Variants in ATXN10 observed in about 807,000 individuals in gnomAD.
ATXN10 encodes the protein ataxin-10.
Under a neutral mutation model 52.9 loss-of-function variants are expected in ATXN10, and 28 were observed. That is an observed-to-expected ratio of 0.53 (90% CI 0.39 to 0.73). The LOEUF (loss-of-function observed/expected upper bound fraction) is 0.73. ATXN10 is among the 30% of genes least tolerant of loss of function. The probability of loss-of-function intolerance (pLI) is 0.00; values close to 1 mark genes in which losing one functional copy is unlikely to be tolerated. For missense variants in ATXN10, 565 were observed against 577.0 expected (o/e 0.98, Z 0.21); for synonymous variants, 226 against 221.5 (o/e 1.02, Z -0.18).
chr22:45,751,763 A>AAAAAATAATAATAATAATAAT lies in ATXN10; in HGVS notation c.1173+11227_1173+11228insAAATAATAATAATAATAATAA. Among the ~76,000 whole-genome samples the AAAAAATAATAATAATAATAAT allele has an allele frequency of 1.5e-4, 10 of 66,610 alleles. No individual in the cohort carries two copies. The South Asian group carries it at 2.3e-3, about 15-fold the overall frequency. The allele number at this position is 66,610 out of a possible 152,430, so 43.7% of individuals were successfully genotyped here. ...TGGAAAAAAAAAAAAAATAAAAAAAAAATAATAATAATAATAATAATAATA... is the reference window on the plus strand; with the variant it reads ...TGGAAAAAAAAAAAAAATAAAAAAAAAAAAATAATAATAATAATAATAATAATAATAATAATAATAATAATA... On this transcript the variant is annotated intron_variant, in intron 9 of 11. Transcript: ENST00000252934.
At chr22:45,721,900 G>T (rs1035289575) in intron 6 of ATXN10, among the ~76,000 whole-genome samples, 1 of 151,998 alleles carries the variant, frequency 6.6e-6, no homozygotes, top group Admixed American at 6.5e-5. Context: ...GGGCAACAGA[G>T]CGAGACTCTG....
In ATXN10 at chr22:45,740,679, TACAC is replaced by T. The variant is rs74268525; in HGVS notation, c.1173+179_1173+182del. ...TAGAGAGATATATATTTTATATGAA[TACAC>T]ACACACACACACACACACACACACA... On this transcript the variant is annotated intron_variant, in intron 9 of 11. Coordinates refer to ENST00000252934, the MANE Select transcript of ATXN10 (RefSeq NM_013236.4). The T allele has an allele frequency of 0.14, 53,273 of 390,116 alleles. 2,611 individuals carry two copies. The highest frequency in any genetic ancestry group is 0.15 in the African/African-American group (6,621 of 44,166). 24.2% of individuals were successfully genotyped at this position (390,116 alleles called of 1,614,324 possible).
intron 10 of ATXN10, among the ~76,000 whole-genome samples, chr22:45,814,789 G>A (rs892931933): frequency 1.3e-5 from 2 of 152,210 alleles, no homozygotes; most frequent in Non-Finnish European, 2.9e-5. Context: ...CACCACCTGA[G>A]CTCCGTCTCC....
At chr22:45,812,042 C>G (rs1306987349) in intron 10 of ATXN10, among the ~76,000 whole-genome samples, 1 of 152,134 alleles carries the variant, frequency 6.6e-6, no homozygotes, top group Admixed American at 6.6e-5. Context: ...TTTTTGTTTC[C>G]GAGAAGGATC....
Position 45,728,087 on chromosome 22 carries a change from T to G in ATXN10, c.729-1338T>G, listed in dbSNP as rs1374703400. On this transcript the variant is annotated intron_variant, in intron 6 of 11. Coordinates refer to ENST00000252934, the MANE Select transcript of ATXN10 (RefSeq NM_013236.4). This position sits in a 1 kb window ranked among gnomAD's most constrained non-coding sequence, Gnocchi z 4.3. The stretch of plus-strand genomic sequence containing the variant: ...AAGTGGAGCATTTAGATGATTTATA[T>G]TCAATGTTAATACTGAGATGTGAGG... Among the ~76,000 whole-genome samples the G allele has an allele frequency of 6.6e-6, 1 of 152,098 alleles. No homozygotes were observed. The highest frequency in any genetic ancestry group is 1.9e-4 in the East Asian group (1 of 5,198).
chr22:45,791,706 G>A (rs534623208), intron 9 of ATXN10, among the ~76,000 whole-genome samples: 9 of 152,146 alleles, frequency 5.9e-5, no homozygotes, highest in Admixed American at 2.6e-4. Context: ...TAGGGGAAGG[G>A]GATCTATTTT....
Position 45,708,639 on chromosome 22 carries a change from G to A in ATXN10, c.647+5792G>A, listed in dbSNP as rs1924128689. Among the ~76,000 whole-genome samples the A allele has an allele frequency of 6.6e-6, 1 of 152,194 alleles. No homozygotes were observed. The highest frequency in any genetic ancestry group is 2.1e-4 in the South Asian group (1 of 4,808). The stretch of plus-strand genomic sequence containing the variant: ...CTCTTTTCAGTTTTAGCCTCTTTTG[G>A]TGTAAACTTTTTCTTTTTGAGACAG... On this transcript the variant is annotated intron_variant, in intron 5 of 11. Coordinates refer to ENST00000252934, the MANE Select transcript of ATXN10 (RefSeq NM_013236.4). This position sits in a 1 kb window ranked among gnomAD's most constrained non-coding sequence, Gnocchi z 5.3.
chr22:45,799,710 A>G (rs1927870209), intron 9 of ATXN10, among the ~76,000 whole-genome samples: 2 of 152,204 alleles, frequency 1.3e-5, no homozygotes, highest in South Asian at 2.1e-4. Context: ...CTTTTATACC[A>G]TTTGGTTTGT....
intron 10 of ATXN10, among the ~76,000 whole-genome samples, chr22:45,822,679 C>T (rs1046922974): frequency 6.6e-6 from 1 of 151,820 alleles, no homozygotes; most frequent in African/African-American, 2.4e-5. Context: ...TACAGGTGCC[C>T]GCCACCACAC....
At position 45,684,511 on chromosome 22, in the gene ATXN10, C is replaced by A. The variant is rs1490789727; in HGVS notation, c.117-5201C>A. ...GGGGAGATGATAAAGTTTCATGACA[C>A]ATGAAAATTATATGAATTTAAATTT... On this transcript the variant is annotated intron_variant, in intron 1 of 11. Transcript: ENST00000252934. This position sits in a 1 kb window ranked among gnomAD's most constrained non-coding sequence, Gnocchi z 4.1. Among the ~76,000 whole-genome samples the A allele has an allele frequency of 6.6e-6, 1 of 152,092 alleles. No individual in the cohort carries two copies. Among genetic ancestry groups the A allele is most frequent in the South Asian group, 2.1e-4 (1 of 4,814 alleles).
At position 45,813,333 on chromosome 22, in the gene ATXN10, G is replaced by GTT. The variant is rs1178229669; in HGVS notation, c.1237+6322_1237+6323dup. Among the ~76,000 whole-genome samples the GTT allele has an allele frequency of 1.5e-4, 21 of 135,624 alleles. No individual in the cohort carries two copies. In the South Asian group the frequency reaches 2.1e-3, roughly 14 times the overall value. The allele number at this position is 135,624 out of a possible 152,430, so 89.0% of individuals were successfully genotyped here. A position where few individuals can be genotyped will look rare whatever the true frequency, so the allele number is the denominator to read the frequency against. ...GATCGGTTGTCCTTGATGTGGGTTT[G>GTT]TTTTTTTTTTTTCATATTGTTTTTA... is the stretch of plus-strand genomic sequence containing the variant. On this transcript the variant is annotated intron_variant, in intron 10 of 11. Coordinates refer to ENST00000252934, the MANE Select transcript of ATXN10 (RefSeq NM_013236.4).
rs143111603 is a variant in ATXN10, at chr22:45,760,193, T to G, written c.1173+19655T>G. On this transcript the variant is annotated intron_variant, in intron 9 of 11. Transcript: ENST00000252934. Reference sequence around the variant, plus strand: ...TTGGTTCTGGGCCTGTAAAGCCATCTTTCCCACCTACAGATGACATTCCCT... The same window carrying G: ...TTGGTTCTGGGCCTGTAAAGCCATCGTTCCCACCTACAGATGACATTCCCT... Among the ~76,000 whole-genome samples the G allele has an allele frequency of 5.9e-3, 904 of 152,316 alleles. 4 individuals are homozygous for G. Among genetic ancestry groups the G allele is most frequent in the African/African-American group, 0.021 (867 of 41,562 alleles).
rs1927132391 is a variant in ATXN10, at chr22:45,781,044, A to G, written c.1174-25915A>G. On this transcript the variant is annotated intron_variant, in intron 9 of 11. Coordinates refer to ENST00000252934, the MANE Select transcript of ATXN10 (RefSeq NM_013236.4). The surrounding 1 kb of genome is among the most constrained non-coding windows in gnomAD (Gnocchi z 4.2). ...GTGCAGACCAGAAAGCCCTGAGGAA[A>G]GCTCACTCTTTCTCCCTAAAGGACC... Among the ~76,000 whole-genome samples the G allele has an allele frequency of 6.6e-6, 1 of 152,244 alleles. No homozygotes were observed. The highest frequency in any genetic ancestry group is 1.5e-5 in the Non-Finnish European group (1 of 68,036).
rs1924133526 is a variant in ATXN10, at chr22:45,708,771, C to G, written c.647+5924C>G. 6.6e-6 allele frequency among the ~76,000 whole-genome samples: 1 copy of G among 152,162 alleles called. No homozygotes were observed. The highest frequency in any genetic ancestry group is 2.1e-4 in the South Asian group (1 of 4,820). Reference sequence around the variant, plus strand: ...TCTCCCATCTCAGCCCCCTGAGTAGCCAGGACTACAGGCGTGCGCCACCAC... The same window carrying G: ...TCTCCCATCTCAGCCCCCTGAGTAGGCAGGACTACAGGCGTGCGCCACCAC... On this transcript the variant is annotated intron_variant, in intron 5 of 11. Coordinates refer to ENST00000252934, the MANE Select transcript of ATXN10 (RefSeq NM_013236.4). The surrounding 1 kb of genome is among the most constrained non-coding windows in gnomAD (Gnocchi z 5.3).
chr22:45,672,423 C>A, intron 1 of ATXN10: 1 of 229,434 alleles, frequency 4.4e-6, no homozygotes, highest in Non-Finnish European at 8.0e-6. Flanking sequence ...GGGTGCGAAG[C>A]CGCGATCCCG....
intron 10 of ATXN10, among the ~76,000 whole-genome samples, chr22:45,836,298 C>G (rs542533558): frequency 6.6e-6 from 1 of 152,346 alleles, no homozygotes; most frequent in African/African-American, 2.4e-5. Flanking sequence ...CTTTAGAAAG[C>G]AATGAAAATA....
Position 45,693,016 on chromosome 22 carries a change from T to C in ATXN10, c.329T>C (p.Val110Ala), listed in dbSNP as rs771377877. The change falls in exon 3 of 12, where the codon GTT (valine) becomes GCT (alanine). Residue 110 changes from valine to alanine, a missense_variant. Coordinates refer to ENST00000252934, the MANE Select transcript of ATXN10 (RefSeq NM_013236.4). ...NSIRNLDTIG[V>A]AVDLILLFRE... ...CCCAGGAACTTGGATACGATTGGTG[T>C]TGCTGTTGATTTGATTCTTCTGTTT... 6.2e-7 allele frequency: 1 copy of C among 1,614,136 alleles called. No homozygotes were observed. Among genetic ancestry groups the C allele is most frequent in the East Asian group, 2.2e-5 (1 of 44,862 alleles).
rs1208267283 is a variant in ATXN10, at chr22:45,689,711, G to C, written c.117-1G>C. On this transcript the variant is annotated splice_acceptor_variant, in intron 1 of 11. Coordinates refer to ENST00000252934, the MANE Select transcript of ATXN10 (RefSeq NM_013236.4). LOFTEE classifies it high-confidence loss of function. ...TTCGTGATAATTTTATCCTTTTTCA[G>C]AGAAACAGCACCCAGGACTATCTTC... is the stretch of plus-strand genomic sequence containing the variant. 1 of 1,613,562 alleles carries C rather than the reference G, an allele frequency of 6.2e-7. No individual in the cohort carries two copies. The highest frequency in any genetic ancestry group is 8.5e-7 in the Non-Finnish European group (1 of 1,179,640).
intron 1 of ATXN10, among the ~76,000 whole-genome samples, chr22:45,680,481 T>C (rs1324006944): frequency 6.6e-6 from 1 of 152,178 alleles, no homozygotes; most frequent in Admixed American, 6.5e-5. Context: ...TTTTCTAAGT[T>C]ATATGAGAAA....
Sources: allele counts gnomAD v4.1 joint callset (sites outside exome capture counted in the v4.1 genomes callset), GRCh38; gene constraint gnomAD v4.1.1; non-coding constraint Gnocchi (gnomAD v3.1); transcripts MANE v1.5; gene names NCBI Gene and HGNC (gene_info 2026-07-23, HGNC 2026-07-21).